ROCK2: variants seen among roughly 807,000 people sequenced by gnomAD.
ROCK2 encodes Rho associated coiled-coil containing protein kinase 2, also known as rho-associated protein kinase 2.
Under a neutral mutation model 195.1 loss-of-function variants are expected in ROCK2, and 61 were observed. The observed-to-expected ratio is 0.31, with a 90% CI of 0.25 to 0.39. The LOEUF (loss-of-function observed/expected upper bound fraction) is 0.39. Among genes scored for constraint, ROCK2 ranks in the 10% least tolerant of loss-of-function variants. The pLI, the probability that ROCK2 is intolerant of heterozygous loss-of-function variation, is 1.00. For missense variants in ROCK2, 1,109 were observed against 1,637.4 expected (o/e 0.68, Z 5.57); for synonymous variants, 504 against 545.5 (o/e 0.92, Z 1.06).
Position 11,235,954 on chromosome 2 carries a change from AT to A in ROCK2, c.470del (p.Tyr157LeufsTer12). 1 of 1,428,650 alleles carries A rather than the reference AT, an allele frequency of 7.0e-7. No homozygotes were observed. The highest frequency in any genetic ancestry group is 1.4e-5 in the African/African-American group (1 of 69,384). The allele number at this position is 1,428,650 out of a possible 1,614,324, so 88.5% of individuals were successfully genotyped here. A position where few individuals can be genotyped will look rare whatever the true frequency, so the allele number is the denominator to read the frequency against. On this transcript the variant is annotated frameshift_variant, in exon 5 of 33. Transcript: ENST00000315872. LOFTEE classifies it high-confidence loss of function. The surrounding 1 kb of genome is among the most constrained non-coding windows in gnomAD (Gnocchi z 4.2). The stretch of plus-strand genomic sequence containing the variant: ...ACAGATACCTATCATCTTGAAAGGC[AT>A]AAAAAAGCTGGAAAACAAAAGGAAA... ...ANSPWVVQLFYAFQDDRYLYM... is the reference protein window; with the variant it reads ...ANSPWVVQLFXAFQDDRYLYM...
At chr2:11,262,203 T>C (rs1286167113) in intron 3 of ROCK2, among the ~76,000 whole-genome samples, 2 of 152,082 alleles carry the variant, frequency 1.3e-5, no homozygotes, top group Non-Finnish European at 2.9e-5. Flanking sequence ...ATTTTAAAAG[T>C]GGATGAGTGT....
chr2:11,266,760 T>C (rs1440713560), intron 3 of ROCK2, among the ~76,000 whole-genome samples: 2 of 152,192 alleles, frequency 1.3e-5, no homozygotes. Context: ...TGGATTCTTA[T>C]CCTTATTTTA....
rs1277823203 is a variant in ROCK2, at chr2:11,181,517, C to G, written c.*1920G>C. 3.3e-5 allele frequency: 5 copies of G among 151,696 alleles called. No homozygotes were observed. The highest frequency in any genetic ancestry group is 2.1e-4 in the South Asian group (1 of 4,826). 9.4% of individuals were successfully genotyped at this position (151,696 alleles called of 1,614,324 possible). ...GTCTATCAGTAGGCCAGTAGCTACT[C>G]TTCAGTTTCCACAATAGTATCTATT... On this transcript the variant is annotated 3_prime_UTR_variant, in exon 33 of 33. Coordinates refer to ENST00000315872, the MANE Select transcript of ROCK2 (RefSeq NM_004850.5).
Position 11,192,413 on chromosome 2 carries a change from A to G in ROCK2, c.3949+38T>C, listed in dbSNP as rs971004382. The G allele has an allele frequency of 6.2e-7, 1 of 1,611,226 alleles. No homozygotes were observed. Among genetic ancestry groups the G allele is most frequent in the South Asian group, 1.1e-5 (1 of 90,786 alleles). The stretch of plus-strand genomic sequence containing the variant: ...TTAATGTGCTTAAAATGATCTGAAC[A>G]TAACCAATATCGATGGAGCAAGTAA... On this transcript the variant is annotated intron_variant, in intron 31 of 32. Coordinates refer to ENST00000315872, the MANE Select transcript of ROCK2 (RefSeq NM_004850.5). The surrounding 1 kb of genome is among the most constrained non-coding windows in gnomAD (Gnocchi z 5.0).
In ROCK2 at chr2:11,218,401, C is replaced by A. The variant is rs773651435; in HGVS notation, c.1332+54G>T. ...AGGATATGACTATATTTAAACTTTG[C>A]GAGAGTGATGAGCTTTTCTCAGTTT... On this transcript the variant is annotated intron_variant, in intron 11 of 32. Transcript: ENST00000315872. The A allele has an allele frequency of 1.3e-5, 19 of 1,453,270 alleles. No homozygotes were observed. In the East Asian group the frequency reaches 4.2e-4, roughly 32 times the overall value. The allele number at this position is 1,453,270 out of a possible 1,614,324, so 90.0% of individuals were successfully genotyped here.
chr2:11,218,931 C>G, intron 10 of ROCK2, 35 bp downstream of exon 10: 1 of 1,221,322 alleles, frequency 8.2e-7, no homozygotes, highest in African/African-American at 1.5e-5. Flanking sequence ...AAACATGAAA[C>G]TAAAATAACT....
intron 3 of ROCK2, among the ~76,000 whole-genome samples, chr2:11,265,285 G>T (rs1013527233): frequency 1.3e-5 from 2 of 152,116 alleles, no homozygotes; most frequent in African/African-American, 2.4e-5. Context: ...AAATGGGCAA[G>T]TTGGAAATCT....
chr2:11,283,861 A>C (rs1667100589), intron 3 of ROCK2, among the ~76,000 whole-genome samples: 1 of 152,234 alleles, frequency 6.6e-6, no homozygotes, highest in African/African-American at 2.4e-5. Flanking sequence ...AGTTTTTTAG[A>C]AAACCAAATA....
chr2:11,272,339 T>A (rs567343727), intron 3 of ROCK2, among the ~76,000 whole-genome samples: 4 of 152,252 alleles, frequency 2.6e-5, no homozygotes, highest in African/African-American at 9.6e-5. Flanking sequence ...AATTATAAAG[T>A]CCAGTATTAC....
intron 1 of ROCK2, among the ~76,000 whole-genome samples, chr2:11,295,988 GAGGAGAGAGAGAGAGAGGAGAGAGAGAGA>G (rs1667508530): frequency 2.3e-5 from 1 of 43,784 alleles, no homozygotes; most frequent in African/African-American, 6.0e-5. Context: ...GAGAGAGAGA[GAGGAGAGAGAGAGAGAGGAGAGAGAGAGA>G]GAGAGAGAGA....
At chr2:11,206,769 G>A (rs549058322) in intron 20 of ROCK2, among the ~76,000 whole-genome samples, 2 of 152,344 alleles carry the variant, frequency 1.3e-5, no homozygotes, top group Admixed American at 6.5e-5. Flanking sequence ...CTTATCATAT[G>A]ATGGATGCTT....
chr2:11,211,586 G>A, intron 18 of ROCK2, 95 bp downstream of exon 18: 1 of 1,198,546 alleles, frequency 8.3e-7, no homozygotes, highest in South Asian at 2.1e-5. Context: ...ATTTGACAAT[G>A]AAATATAAAA....
chr2:11,199,168 G>C (rs1663755935), intron 23 of ROCK2, among the ~76,000 whole-genome samples: 3 of 151,924 alleles, frequency 2.0e-5, no homozygotes, highest in Admixed American at 1.3e-4. Context: ...TCAAAGTGCT[G>C]GGATTACTTA....
At chr2:11,222,214 T>A (rs1236750160) in intron 7 of ROCK2, 40 bp from the exon 8 acceptor site, 1 of 1,204,800 alleles carries the variant, frequency 8.3e-7, no homozygotes, top group African/African-American at 1.5e-5. Context: ...TTAAAAATTA[T>A]AAAATAAAAA....
At chr2:11,304,824 T>C (rs1313989933) in intron 1 of ROCK2, among the ~76,000 whole-genome samples, 1 of 152,060 alleles carries the variant, frequency 6.6e-6, no homozygotes. Flanking sequence ...AGGAATGGTG[T>C]AGGAAGGTAG....
At chr2:11,199,953 GT>G (rs1663793459) in intron 23 of ROCK2, among the ~76,000 whole-genome samples, 1 of 152,136 alleles carries the variant, frequency 6.6e-6, no homozygotes, top group African/African-American at 2.4e-5. Context: ...ACTACCCATA[GT>G]GAATAAGAAT....
intron 4 of ROCK2, among the ~76,000 whole-genome samples, chr2:11,244,190 T>C (rs538686969): frequency 6.6e-6 from 1 of 152,348 alleles, no homozygotes; most frequent in South Asian, 2.1e-4. Flanking sequence ...TTATTATCTC[T>C]TGAATTTTAT....
chr2:11,197,651 T>C lies in ROCK2; in HGVS notation c.3154A>G (p.Asn1052Asp). The change falls in exon 26 of 33, where the codon AAT becomes GAT. Residue 1052 changes from asparagine (N) to aspartate (D), a missense_variant. Asn to Asp is a conservative substitution (Grantham distance 23). Coordinates refer to ENST00000315872, the MANE Select transcript of ROCK2 (RefSeq NM_004850.5). This position sits in a 1 kb window ranked among gnomAD's most constrained non-coding sequence, Gnocchi z 4.9. ...MNRKEPVKRG[N>D]DTDVRRKEKE... is the part of the protein sequence containing the mutation. ...TCTTTTCTCCGCACATCTGTGTCAT[T>C]ACCACGCTTGACAGGTTCTTTTCGA... 1.2e-6 allele frequency: 2 copies of C among 1,611,604 alleles called. No homozygotes were observed. The highest frequency in any genetic ancestry group is 1.7e-6 in the Non-Finnish European group (2 of 1,178,706).
intron 23 of ROCK2, among the ~76,000 whole-genome samples, 153 bp from the exon 24 acceptor site, chr2:11,198,927 G>A (rs1221088125): frequency 1.3e-5 from 2 of 149,678 alleles, no homozygotes; most frequent in African/African-American, 4.9e-5. Flanking sequence ...TGTCACCCAG[G>A]TGAGTCTTGC....
Sources: allele counts gnomAD v4.1 joint callset (sites outside exome capture counted in the v4.1 genomes callset), GRCh38; gene constraint gnomAD v4.1.1; non-coding constraint Gnocchi (gnomAD v3.1); transcripts MANE v1.5; gene names NCBI Gene and HGNC (gene_info 2026-07-23, HGNC 2026-07-21).